The following GLIPR1 variants were observed in gnomAD, a reference collection of about 807,000 sequenced individuals.
The protein encoded by GLIPR1 is GLI pathogenesis related 1, also known as glioma pathogenesis-related protein 1.
Under a neutral mutation model 30.3 loss-of-function variants are expected in GLIPR1, and 38 were observed. The ratio of observed to expected loss-of-function variants is 1.26; its 90% CI spans 0.97 to 1.65. GLIPR1 has a LOEUF of 1.65. Ranked by LOEUF, GLIPR1 falls within the 40% of genes most tolerant of loss-of-function variation. The probability of loss-of-function intolerance (pLI) is 0.00; values close to 1 mark genes in which losing one functional copy is unlikely to be tolerated. For synonymous variants in GLIPR1, 122 were observed against 110.6 expected, an observed-to-expected ratio of 1.10 and a Z score of -0.65; for missense variants, 285 against 326.5, an observed-to-expected ratio of 0.87 and a Z score of 0.98.
At chr12:75,498,634 A>C in intron 4 of GLIPR1, 60 bp from the exon 5 acceptor site, 1 of 1,357,020 alleles carries the variant, frequency 7.4e-7, no homozygotes, top group Non-Finnish European at 1.1e-6. Context: ...TTTTTAAAAT[A>C]AAACTCTCAA....
intron 2 of GLIPR1, among the ~76,000 whole-genome samples, chr12:75,482,674 T>A (rs962359858): frequency 2.0e-5 from 3 of 151,914 alleles, no homozygotes; most frequent in African/African-American, 7.3e-5. Flanking sequence ...AGAATCCATA[T>A]TATTAGTCCC....
At chr12:75,485,754 T>G (rs1052356375) in intron 2 of GLIPR1, among the ~76,000 whole-genome samples, 15 of 151,846 alleles carry the variant, frequency 9.9e-5, no homozygotes, top group African/African-American at 2.7e-4. Flanking sequence ...GTTTCACCGT[T>G]TTAGCCGGGA....
chr12:75,495,175 A>G (rs7971504), intron 3 of GLIPR1: 97,279 of 152,792 alleles, frequency 0.64, 31,207 homozygotes, highest in South Asian at 0.68. Flanking sequence ...ACAGTTTTTT[A>G]AATGGCAGTA....
At chr12:75,485,535 T>TTATTTATTTA (rs2046289619) in intron 2 of GLIPR1, among the ~76,000 whole-genome samples, 1 of 143,986 alleles carries the variant, frequency 6.9e-6, no homozygotes, top group Non-Finnish European at 1.5e-5. Flanking sequence ...CAGCTTTATT[T>TTATTTATTTA]TATTTATTTA....
At chr12:75,485,557 A>ATTTATTTATTTATTTC (rs1481453592) in intron 2 of GLIPR1, among the ~76,000 whole-genome samples, 19 of 148,204 alleles carry the variant, frequency 1.3e-4, no homozygotes, top group Admixed American at 4.0e-4. Flanking sequence ...TTATTTATTT[A>ATTTATTTATTTATTTC]TTTATTTTTT....
chr12:75,488,264 A>G (rs905197688), intron 2 of GLIPR1, among the ~76,000 whole-genome samples: 1 of 152,158 alleles, frequency 6.6e-6, no homozygotes, highest in African/African-American at 2.4e-5. Flanking sequence ...AGGGCCGGGC[A>G]TGGTGGCTCA....
chr12:75,481,809 T>C, intron 1 of GLIPR1, 25 bp from the exon 2 acceptor site: 2 of 1,611,100 alleles, frequency 1.2e-6, no homozygotes, highest in Non-Finnish European at 1.7e-6. Context: ...ATGAACCCCC[T>C]ATTGTTTAAT....
At chr12:75,481,209 G>T (rs1380432818) in intron 1 of GLIPR1, 155 bp downstream of exon 1, 1 of 534,642 alleles carries the variant, frequency 1.9e-6, no homozygotes, top group African/African-American at 2.0e-5. Flanking sequence ...AACACATCCA[G>T]TTTAGCTCTG....
At chr12:75,482,949 C>A (rs2046278136) in intron 2 of GLIPR1, among the ~76,000 whole-genome samples, 1 of 152,042 alleles carries the variant, frequency 6.6e-6, no homozygotes, top group Non-Finnish European at 1.5e-5. Context: ...CACAAAAAAT[C>A]AGTTGAAATG....
rs1286174657 is a variant in GLIPR1, at chr12:75,481,937, TCA to T, written c.280_281del (p.Thr94PhefsTer25). 6.2e-7 allele frequency: 1 copy of T among 1,614,162 alleles called. No homozygotes were observed. The highest frequency in any genetic ancestry group is 8.5e-7 in the Non-Finnish European group (1 of 1,180,008). On this transcript the variant is annotated frameshift_variant, in exon 2 of 6. Coordinates refer to ENST00000266659, the MANE Select transcript of GLIPR1 (RefSeq NM_006851.3). LOFTEE classifies it high-confidence loss of function. ...CCACCCCACAAGCTGCACCCAAACTTCACTTCACTGGGAGAGAACATCTGGAC... is the reference window on the plus strand; with the variant it reads ...CCACCCCACAAGCTGCACCCAAACTTCTTCACTGGGAGAGAACATCTGGAC...
intron 4 of GLIPR1, chr12:75,498,128 T>A (rs927621545): frequency 7.9e-5 from 12 of 152,484 alleles, no homozygotes; most frequent in African/African-American, 2.9e-4. Context: ...AAAGAAAGTA[T>A]CCAGAAGGCT....
rs766222607 is a variant in GLIPR1 at position 75,499,877 on chromosome 12, C to T, written c.*899C>T. The T allele has an allele frequency of 1.9e-6, 3 of 1,608,656 alleles. No individual in the cohort carries two copies. The African/African-American group carries it at 4.0e-5, about 22-fold the overall frequency. ...AGTGCAATTTCTTCAGCTGTAAGAG[C>T]TCCCAGTTTCTTATTCTTTGCTTTC... On this transcript the variant is annotated 3_prime_UTR_variant, in exon 6 of 6. Coordinates refer to ENST00000266659, the MANE Select transcript of GLIPR1 (RefSeq NM_006851.3).
At chr12:75,497,891 T>C (rs996968363) in intron 4 of GLIPR1, 1 of 127,838 alleles carries the variant, frequency 7.8e-6, no homozygotes, top group Non-Finnish European at 1.8e-5. Context: ...TTTAAAAATA[T>C]ATATAAAAAA....
At chr12:75,481,083 C>A in intron 1 of GLIPR1, 29 bp downstream of exon 1, 2 of 1,558,198 alleles carry the variant, frequency 1.3e-6, no homozygotes, top group South Asian at 2.3e-5. Context: ...ATTGTGGCGT[C>A]AGTCAGTCAG....
chr12:75,494,616 C>T (rs1442033634), intron 3 of GLIPR1: 3 of 152,122 alleles, frequency 2.0e-5, no homozygotes, highest in Non-Finnish European at 2.9e-5. Context: ...TAACAACAAA[C>T]TATGTTGAGA....
chr12:75,490,755 A>C, intron 3 of GLIPR1: 1 of 379,154 alleles, frequency 2.6e-6, no homozygotes, highest in Non-Finnish European at 4.8e-6. Flanking sequence ...CATCCTTTAT[A>C]TATACTACCT....
In GLIPR1 at chr12:75,498,725, G is replaced by T. The variant is rs201806603; in HGVS notation, c.646+5G>T. ...GACAGCGAGACCAAGTCAAACGTACGTACATCAATCTTAAATTGTTTCATT... is the reference window on the plus strand; with the variant it reads ...GACAGCGAGACCAAGTCAAACGTACTTACATCAATCTTAAATTGTTTCATT... On this transcript the variant is annotated splice_donor_5th_base_variant and intron_variant, in intron 5 of 5. Transcript: ENST00000266659. The T allele has an allele frequency of 2.5e-5, 41 of 1,611,998 alleles. 1 individual carries two copies. The Admixed American group carries it at 6.7e-4, about 26-fold the overall frequency.
Position 75,499,712 on chromosome 12 carries a change from G to C in GLIPR1, c.*734G>C, listed in dbSNP as rs937073853. 1.0e-5 allele frequency: 7 copies of C among 686,976 alleles called. No individual in the cohort carries two copies. The highest frequency in any genetic ancestry group is 3.4e-5 in the Admixed American group (1 of 29,234). The allele number at this position is 686,976 out of a possible 1,614,324, so 42.6% of individuals were successfully genotyped here. A position where few individuals can be genotyped will look rare whatever the true frequency, so the allele number is the denominator to read the frequency against. ...ACCACCACCACCAAAAAAAAAAAAA[G>C]CCCTCAGAAAATTTCTCACAAATAA... On this transcript the variant is annotated 3_prime_UTR_variant, in exon 6 of 6. Transcript: ENST00000266659.
intron 4 of GLIPR1, chr12:75,496,009 G>GT (rs67599616): frequency 0.33 from 45,490 of 139,244 alleles, 7,775 homozygotes; most frequent in East Asian, 0.45. Flanking sequence ...TTTTTTTTTT[G>GT]TTTTTTTTTT....
Sources: allele counts gnomAD v4.1 joint callset (sites outside exome capture counted in the v4.1 genomes callset), GRCh38; gene constraint gnomAD v4.1.1; transcripts MANE v1.5; gene names NCBI Gene and HGNC (gene_info 2026-07-23, HGNC 2026-07-21).